The following PCNT variants were observed in gnomAD, a reference collection of about 807,000 sequenced individuals.
PCNT encodes the protein pericentrin.
PCNT carries 319 observed loss-of-function variants against 380.4 expected under a neutral mutation model. That is an observed-to-expected ratio of 0.84 (90% CI 0.77 to 0.92). The LOEUF (loss-of-function observed/expected upper bound fraction) is 0.92, where lower values mean the gene tolerates loss of function less well. Among genes scored for constraint, PCNT ranks in the 40% least tolerant of loss-of-function variants. The pLI, the probability that PCNT is intolerant of heterozygous loss-of-function variation, is 0.00. For missense variants in PCNT, 4,400 were observed against 4,255.3 expected, an observed-to-expected ratio of 1.03 and a Z score of -0.95; for synonymous variants, 1,845 against 1,735.2, an observed-to-expected ratio of 1.06 and a Z score of -1.57.
rs1236712829 is a variant in PCNT, at chr21:46,363,673, A to G, written c.2348A>G (p.Gln783Arg). ...ELREKAESEK[Q>R]TIINKFELRE... ...AGAGAAAAGGCTGAATCCGAGAAACAGACCATCATAAACAAGTTTGAGCTT... is the reference window on the plus strand; with the variant it reads ...AGAGAAAAGGCTGAATCCGAGAAACGGACCATCATAAACAAGTTTGAGCTT... Residue 783 changes from glutamine (Q) to arginine (R), a missense_variant, in exon 14 of 47, where the codon CAG becomes CGG. Transcript: ENST00000359568. 1 of 1,614,254 alleles carries G rather than the reference A, an allele frequency of 6.2e-7. No homozygotes were observed. The highest frequency in any genetic ancestry group is 2.2e-5 in the East Asian group (1 of 44,882).
intron 14 of PCNT, among the ~76,000 whole-genome samples, chr21:46,364,511 C>T (rs2084831675): frequency 1.3e-5 from 2 of 152,228 alleles, no homozygotes; most frequent in Admixed American, 1.3e-4. Flanking sequence ...AGCTAAACCT[C>T]TTTTATAGGT....
intron 15 of PCNT, among the ~76,000 whole-genome samples, chr21:46,367,828 C>T (rs1002915455): frequency 1.2e-5 from 1 of 82,342 alleles, no homozygotes; most frequent in Non-Finnish European, 2.5e-5. Context: ...GAGCCTTGGT[C>T]CCCTCCTTTT....
At chr21:46,427,550 C>A in intron 33 of PCNT, 72 bp from the exon 34 acceptor site, 1 of 1,572,446 alleles carries the variant, frequency 6.4e-7, no homozygotes, top group Non-Finnish European at 8.7e-7. Flanking sequence ...AACGCAGTCA[C>A]ACTGCGAACT....
In PCNT at chr21:46,388,240, C is replaced by T. The variant is rs910320319; in HGVS notation, c.3465-502C>T. Among the ~76,000 whole-genome samples the T allele has an allele frequency of 6.6e-5, 10 of 152,010 alleles. No individual in the cohort carries two copies. The East Asian group carries it at 1.5e-3, about 24-fold the overall frequency. Reference sequence around the variant, plus strand: ...AAAAAAAAGACAGAAGCATCCCAGACCGCACGTCCACGAGGCCTAGCGAGA... The same window carrying T: ...AAAAAAAAGACAGAAGCATCCCAGATCGCACGTCCACGAGGCCTAGCGAGA... On this transcript the variant is annotated intron_variant, in intron 17 of 46. Coordinates refer to ENST00000359568, the MANE Select transcript of PCNT (RefSeq NM_006031.6). This position sits in a 1 kb window ranked among gnomAD's most constrained non-coding sequence, Gnocchi z 4.2.
chr21:46,414,871 GAC>G (rs1223417188), intron 29 of PCNT, among the ~76,000 whole-genome samples: 1 of 151,378 alleles, frequency 6.6e-6, no homozygotes, highest in Non-Finnish European at 1.5e-5. Context: ...CCTCCTGCTG[GAC>G]ACACAGCCAC....
rs748392645 is a variant in PCNT, at chr21:46,342,534, CT to C, written c.640-3582del. Among the ~76,000 whole-genome samples, 584 of 142,216 alleles carry C rather than the reference CT, an allele frequency of 4.1e-3. 5 individuals carry two copies. Among genetic ancestry groups the C allele is most frequent in the African/African-American group, 0.012 (465 of 37,970 alleles). 93.3% of individuals were successfully genotyped at this position (142,216 alleles called of 152,430 possible). A position where few individuals can be genotyped will look rare whatever the true frequency, so the allele number is the denominator to read the frequency against. On this transcript the variant is annotated intron_variant, in intron 3 of 46. Coordinates refer to ENST00000359568, the MANE Select transcript of PCNT (RefSeq NM_006031.6). ...TATCTGTTTGTGTCATCAATTCTTTCTTTTTTTTTTTTCTTTTTTTTTTGAG... is the reference window on the plus strand; with the variant it reads ...TATCTGTTTGTGTCATCAATTCTTTCTTTTTTTTTTTCTTTTTTTTTTGAG...
intron 27 of PCNT, 40 bp downstream of exon 27, chr21:46,402,523 T>G: frequency 6.2e-7 from 1 of 1,610,934 alleles, no homozygotes; most frequent in Non-Finnish European, 8.5e-7. Flanking sequence ...GAGTTCATGT[T>G]GCTTATGCCG....
Position 46,346,774 on chromosome 21 carries a change from G to A in PCNT, c.752G>A (p.Arg251His), listed in dbSNP as rs1188351667. 8.1e-6 allele frequency: 13 copies of A among 1,597,068 alleles called. No individual in the cohort carries two copies. The highest frequency in any genetic ancestry group is 1.1e-5 in the South Asian group (1 of 88,210). ...CATGGCCTTGAGCTGGAGGCGCTGCGCCTGAGTCTGAGCAACATGCACACG... is the reference window on the plus strand; with the variant it reads ...CATGGCCTTGAGCTGGAGGCGCTGCACCTGAGTCTGAGCAACATGCACACG... ...AVHGLELEAL[R>H]LSLSNMHTAQ... The change falls in exon 5 of 47, where the codon CGC becomes CAC. Residue 251 changes from arginine (R) to histidine (H), a missense_variant. By Grantham distance (29) the Arg-to-His change is conservative (BLOSUM62 0). Transcript: ENST00000359568.
intron 35 of PCNT, 71 bp downstream of exon 35, chr21:46,428,661 C>A: frequency 7.4e-7 from 1 of 1,351,704 alleles, no homozygotes; most frequent in Non-Finnish European, 1.0e-6. Context: ...ACCTGTGTGG[C>A]CTTGGGAGCA....
At chr21:46,362,858 C>T (rs2084767499) in intron 13 of PCNT, among the ~76,000 whole-genome samples, 1 of 151,804 alleles carries the variant, frequency 6.6e-6, no homozygotes, top group Non-Finnish European at 1.5e-5. Flanking sequence ...GGGCGACAGA[C>T]CCTGTCTCAA....
chr21:46,378,829 C>T lies in PCNT; in HGVS notation c.3166-2865C>T, dbSNP rs1323798854. Among the ~76,000 whole-genome samples, 3 of 152,188 alleles carry T rather than the reference C, an allele frequency of 2.0e-5. No homozygotes were observed. The East Asian group carries it at 5.8e-4, about 29-fold the overall frequency. ...CCATTTGCTAATGTAGCATCATTCC[C>T]TCGTCTGCCCTTTGTGCTCATATTG... On this transcript the variant is annotated intron_variant, in intron 15 of 46. Coordinates refer to ENST00000359568, the MANE Select transcript of PCNT (RefSeq NM_006031.6).
intron 32 of PCNT, among the ~76,000 whole-genome samples, chr21:46,424,997 G>A (rs1291251371): frequency 1.3e-5 from 2 of 152,070 alleles, no homozygotes; most frequent in Non-Finnish European, 2.9e-5. Context: ...CCCGTCGTAG[G>A]CTTCATCATT....
chr21:46,377,697 A>G (rs536882691), intron 15 of PCNT, among the ~76,000 whole-genome samples: 37 of 152,238 alleles, frequency 2.4e-4, no homozygotes, highest in Middle Eastern at 3.4e-3. Context: ...AAAATAAAAA[A>G]ATTAGCCTGG....
chr21:46,341,880 C>A (rs895627118), intron 3 of PCNT, among the ~76,000 whole-genome samples: 1 of 151,526 alleles, frequency 6.6e-6, no homozygotes, highest in Non-Finnish European at 1.5e-5. Context: ...AGTCTTGTTA[C>A]ATTCACTAGG....
intron 14 of PCNT, among the ~76,000 whole-genome samples, chr21:46,364,897 C>T (rs1032733307): frequency 1.3e-4 from 20 of 152,246 alleles, no homozygotes; most frequent in African/African-American, 4.6e-4. Flanking sequence ...CAAGGAGGCC[C>T]TCAAGAGAGG....
chr21:46,415,984 C>A, intron 29 of PCNT, 85 bp from the exon 30 acceptor site: 1 of 1,389,588 alleles, frequency 7.2e-7, no homozygotes, highest in Non-Finnish European at 1.0e-6. Flanking sequence ...CCGAAACTCC[C>A]TGAAATCCAC....
chr21:46,366,839 C>T lies in PCNT; in HGVS notation c.2865C>T (p.Ala955=), dbSNP rs540548340. ...RVAELQTKHA[A]DLGALETRHL... ...CCGAACTGCAGACAAAACACGCTGC[C>T]GACCTCGGCGCTCTGGAGACCAGAC... Residue 955 remains alanine, a synonymous_variant, in exon 15 of 47, where the codon GCC becomes GCT. Coordinates refer to ENST00000359568, the MANE Select transcript of PCNT (RefSeq NM_006031.6). 945 of 1,614,008 alleles carry T rather than the reference C, an allele frequency of 5.9e-4. 11 individuals carry two copies. The South Asian group carries it at 9.7e-3, about 17-fold the overall frequency.
rs529980207 is a variant in PCNT, at chr21:46,390,573, T to C, written c.3841-97T>C. On this transcript the variant is annotated intron_variant, in intron 19 of 46. Coordinates refer to ENST00000359568, the MANE Select transcript of PCNT (RefSeq NM_006031.6). ...TGGCCCTGCCTGGGTGGTGACGGCC[T>C]GAAGGGTCTGGGGGTAGAAGTGGCG... 6.7e-6 allele frequency: 9 copies of C among 1,342,652 alleles called. No individual in the cohort carries two copies. The African/African-American group carries it at 1.1e-4, about 17-fold the overall frequency. 83.2% of individuals were successfully genotyped at this position (1,342,652 alleles called of 1,614,324 possible).
chr21:46,402,441 T>C lies in PCNT; in HGVS notation c.5073T>C (p.Ala1691=), dbSNP rs570456724. The change falls in exon 27 of 47, where the codon GCT becomes GCC. Residue 1691 remains alanine, a synonymous_variant. Transcript: ENST00000359568. ...LKLDMQNSQT[A]VSLRELEEEN... ...TGGACATGCAGAACAGCCAGACTGCTGTCAGCCTCAGAGAACTTGAGGAAG... is the reference window on the plus strand; with the variant it reads ...TGGACATGCAGAACAGCCAGACTGCCGTCAGCCTCAGAGAACTTGAGGAAG... 189 of 1,614,082 alleles carry C rather than the reference T, an allele frequency of 1.2e-4. 1 individual carries two copies. In the South Asian group the frequency reaches 2.0e-3, roughly 17 times the overall value.
Sources: gnomAD v4.1 joint callset for allele counts (sites outside exome capture counted in the v4.1 genomes callset) on GRCh38, gnomAD v4.1.1 for gene constraint, Gnocchi (gnomAD v3.1) non-coding constraint, MANE v1.5 for transcripts, NCBI Gene and HGNC (gene_info 2026-07-23, HGNC 2026-07-21) for gene names.